Variants in GSE1 observed in about 807,000 individuals in gnomAD.
GSE1 encodes the protein Gse1 coiled-coil protein.
Under a neutral mutation model 112.6 loss-of-function variants are expected in GSE1, and 32 were observed. The observed-to-expected ratio is 0.28, with a 90% CI of 0.21 to 0.38. The LOEUF (loss-of-function observed/expected upper bound fraction) is 0.38, where lower values mean the gene tolerates loss of function less well. Ranked by LOEUF, GSE1 falls within the 10% of genes least tolerant of loss-of-function variation. The probability of loss-of-function intolerance (pLI) is 1.00; values close to 1 mark genes in which losing one functional copy is unlikely to be tolerated. For synonymous variants in GSE1, 1,115 were observed against 735.6 expected (o/e 1.52, Z -8.35); for missense variants, 2,348 against 1,699.2 (o/e 1.38, Z -6.71).
chr16:85,613,839 C>T (rs1265789928), intron 1 of GSE1, among the ~76,000 whole-genome samples: 10 of 111,030 alleles, frequency 9.0e-5, no homozygotes, highest in African/African-American at 3.3e-4. Flanking sequence ...GTGCTGGCGA[C>T]GGCCGAGGAA....
intron 1 of GSE1, among the ~76,000 whole-genome samples, chr16:85,280,403 A>G (rs543829296): frequency 9.2e-5 from 14 of 152,044 alleles, no homozygotes; most frequent in Admixed American, 2.6e-4. Flanking sequence ...TTATTTATTT[A>G]TTTATTTACT....
intron 2 of GSE1, chr16:85,463,232 C>T (rs560803768): frequency 2.6e-6 from 1 of 390,526 alleles, no homozygotes; most frequent in Admixed American, 6.4e-5. Context: ...CCGCACTCAC[C>T]CAGCCTCGCC....
chr16:85,309,651 T>A (rs1423060106), intron 1 of GSE1, among the ~76,000 whole-genome samples: 1 of 152,242 alleles, frequency 6.6e-6, no homozygotes, highest in Non-Finnish European at 1.5e-5. Context: ...TGCCAGGACC[T>A]GTCCACCTCT....
At chr16:85,335,385 T>A (rs2046461458) in intron 1 of GSE1, among the ~76,000 whole-genome samples, 1 of 152,252 alleles carries the variant, frequency 6.6e-6, no homozygotes, top group African/African-American at 2.4e-5. Context: ...TTCAGTCGGC[T>A]TTTTAATCAG....
intron 2 of GSE1, among the ~76,000 whole-genome samples, chr16:85,527,394 A>T (rs10863205): frequency 1.3e-5 from 2 of 152,158 alleles, no homozygotes; most frequent in Non-Finnish European, 2.9e-5. Context: ...CCTCTCCCAG[A>T]GAAGAAGCTG....
At chr16:85,206,856 C>T (rs1054986601) in intron 1 of GSE1, among the ~76,000 whole-genome samples, 2 of 151,690 alleles carry the variant, frequency 1.3e-5, no homozygotes, top group Non-Finnish European at 2.9e-5. Context: ...CTCCACAAGC[C>T]CCCCCAGCCC....
chr16:85,173,048 G>A (rs528729618), intron 1 of GSE1, among the ~76,000 whole-genome samples: 4 of 152,180 alleles, frequency 2.6e-5, no homozygotes, highest in Admixed American at 1.3e-4. Flanking sequence ...TGAGCACGTC[G>A]TCTCCCGTCA....
Position 85,183,984 on chromosome 16 carries a change from A to G in GSE1, c.2283+12177A>G, listed in dbSNP as rs754618591. Among the ~76,000 whole-genome samples the G allele has an allele frequency of 3.3e-5, 5 of 152,308 alleles. No individual in the cohort carries two copies. In the East Asian group the frequency reaches 7.7e-4, roughly 23 times the overall value. On this transcript the variant is annotated intron_variant, in intron 1 of 2. Transcript: ENST00000637419. ...CCCAGTAAAAACTCGGTAATTGTTC[A>G]TATTTGTTTCTGTGGCCTTACTTAT...
intron 1 of GSE1, among the ~76,000 whole-genome samples, chr16:85,328,254 A>G (rs2326524): frequency 0.88 from 133,652 of 152,256 alleles, 59,049 homozygotes; most frequent in East Asian, 1. Context: ...AGACGGGGCG[A>G]AAGGGCCTGG....
chr16:85,359,390 C>T (rs1330458211), intron 2 of GSE1: 1 of 456,082 alleles, frequency 2.2e-6, no homozygotes, highest in East Asian at 6.9e-5. Context: ...CGGAGCAGAA[C>T]AAGGCCCAGA....
intron 1 of GSE1, among the ~76,000 whole-genome samples, chr16:85,178,221 C>A (rs1794126963): frequency 6.6e-6 from 1 of 152,138 alleles, no homozygotes; most frequent in Admixed American, 6.5e-5. Flanking sequence ...GAGGAGGTGA[C>A]ATCTAAGCTG....
chr16:85,443,204 C>A (rs1383311339), intron 2 of GSE1, among the ~76,000 whole-genome samples: 1 of 152,214 alleles, frequency 6.6e-6, no homozygotes, highest in Non-Finnish European at 1.5e-5. Flanking sequence ...ATTTCCTCCC[C>A]AGCGTGCTGC....
At chr16:85,288,874 C>T (rs1353174276) in intron 1 of GSE1, among the ~76,000 whole-genome samples, 2 of 152,170 alleles carry the variant, frequency 1.3e-5, no homozygotes, top group East Asian at 1.9e-4. Context: ...ATTCAGTCCC[C>T]TCTTTGCCAA....
At position 85,587,143 on chromosome 16, in the gene GSE1, G is replaced by T. The variant is rs1294407221; in HGVS notation, c.37+30780G>T. Among the ~76,000 whole-genome samples, 5 of 150,928 alleles carry T rather than the reference G, an allele frequency of 3.3e-5. No individual in the cohort carries two copies. The East Asian group carries it at 9.9e-4, about 30-fold the overall frequency. On this transcript the variant is annotated intron_variant, in intron 1 of 2. Coordinates refer to the GSE1 transcript ENST00000635906. ...GAGGGTACAGGGTGCTGGTCCCAGT[G>T]TGGGCGCTCTGGTCTGAGGACGAAA... is the stretch of plus-strand genomic sequence containing the variant.
exon 1 of GSE1, chr16:85,169,588 G>A: frequency 1.0e-6 from 1 of 981,812 alleles, no homozygotes; most frequent in Non-Finnish European, 1.2e-6. Context: ...GGGCGAGCGG[G>A]CTGCGGGCGG....
chr16:85,511,387 G>A (rs1304597898), intron 2 of GSE1, among the ~76,000 whole-genome samples: 1 of 152,166 alleles, frequency 6.6e-6, no homozygotes, highest in Non-Finnish European at 1.5e-5. Flanking sequence ...AATCAGCCGG[G>A]CATGGTAGTG....
intron 1 of GSE1, chr16:85,594,287 C>G (rs892064727): frequency 6.6e-4 from 101 of 152,210 alleles, no homozygotes; most frequent in African/African-American, 2.4e-3. Context: ...GCCAGACCTC[C>G]CTGCCCCACC....
chr16:85,370,878 C>T (rs889004042), intron 2 of GSE1, among the ~76,000 whole-genome samples: 19 of 152,218 alleles, frequency 1.2e-4, no homozygotes, highest in African/African-American at 3.1e-4. Context: ...AAGTGGCTGC[C>T]GCAGCTCCCA....
chr16:85,335,936 G>C (rs950864684), intron 1 of GSE1, among the ~76,000 whole-genome samples: 2 of 152,216 alleles, frequency 1.3e-5, no homozygotes, highest in Non-Finnish European at 2.9e-5. Flanking sequence ...TGACCGGCTG[G>C]CCTGAGTGGA....
Sources: allele counts gnomAD v4.1 joint callset (sites outside exome capture counted in the v4.1 genomes callset), GRCh38; gene constraint gnomAD v4.1.1; transcripts MANE v1.5; gene names NCBI Gene and HGNC (gene_info 2026-07-23, HGNC 2026-07-21).